LARS1: variants seen among roughly 807,000 people sequenced by gnomAD.
LARS1 encodes leucine--tRNA ligase, cytoplasmic.
In LARS1, 100 loss-of-function variants were observed where a neutral mutation model predicts 162.8. That is an observed-to-expected ratio of 0.61 (90% CI 0.52 to 0.73). The LOEUF (loss-of-function observed/expected upper bound fraction) is 0.73. Ranked by LOEUF, LARS1 falls within the 30% of genes least tolerant of loss-of-function variation. The pLI is 0.00. For missense variants in LARS1, 1,258 were observed against 1,408.9 expected (o/e 0.89, Z 1.71); for synonymous variants, 457 against 462.8 (o/e 0.99, Z 0.16).
intron 30 of LARS1, among the ~76,000 whole-genome samples, chr5:146,120,721 A>G (rs974555503): frequency 1.3e-5 from 2 of 152,190 alleles, no homozygotes; most frequent in Admixed American, 6.5e-5. Context: ...ATCAACACCA[A>G]TGATGGACAC....
chr5:146,115,266 C>T (rs186806051), intron 31 of LARS1, among the ~76,000 whole-genome samples: 1 of 151,910 alleles, frequency 6.6e-6, no homozygotes, highest in African/African-American at 2.4e-5. Context: ...TACAGAATAT[C>T]GAAAAATCTA....
chr5:146,147,594 A>T (rs988473029), intron 15 of LARS1, among the ~76,000 whole-genome samples: 12 of 152,220 alleles, frequency 7.9e-5, no homozygotes, highest in Non-Finnish European at 1.5e-4. Flanking sequence ...ACACACACAC[A>T]AATAGTAAAT....
At chr5:146,139,578 T>C (rs1436686253) in intron 21 of LARS1, 1 of 151,708 alleles carries the variant, frequency 6.6e-6, no homozygotes, top group Non-Finnish European at 1.5e-5. Context: ...ATTTTAAAGA[T>C]AAAAATTAAT....
At chr5:146,116,670 A>G (rs1009954459) in intron 31 of LARS1, among the ~76,000 whole-genome samples, 1 of 152,242 alleles carries the variant, frequency 6.6e-6, no homozygotes, top group African/African-American at 2.4e-5. Flanking sequence ...CTAGGGACTG[A>G]TAACGAGAAA....
intron 14 of LARS1, among the ~76,000 whole-genome samples, chr5:146,151,569 ATCTT>A (rs1753290788): frequency 6.6e-6 from 1 of 152,236 alleles, no homozygotes; most frequent in African/African-American, 2.4e-5. Context: ...CATTCAATAA[ATCTT>A]TGAAGTTTAC....
intron 15 of LARS1, among the ~76,000 whole-genome samples, chr5:146,146,779 T>C (rs1753029907): frequency 6.6e-6 from 1 of 151,220 alleles, no homozygotes; most frequent in African/African-American, 2.4e-5. Flanking sequence ...GGTGGCGCCG[T>C]CTCGACTCAC....
At chr5:146,115,581 CAAAAAAAAAAAAAAA>C (rs58644900) in intron 31 of LARS1, among the ~76,000 whole-genome samples, 3 of 20,614 alleles carry the variant, frequency 1.5e-4, no homozygotes, top group Non-Finnish European at 3.2e-4. Context: ...AGCGCCTGAC[CAAAAAAAAAAAAAAA>C]AAAAAAAAAA....
chr5:146,146,561 A>G (rs1753019043), intron 15 of LARS1, among the ~76,000 whole-genome samples: 1 of 132,274 alleles, frequency 7.6e-6, no homozygotes, highest in African/African-American at 2.9e-5. Context: ...AAAAAGGCTA[A>G]TTCTCTGGAA....
chr5:146,164,614 TTAGTCTGTACTAAAAGTAC>T (rs1173688756), intron 5 of LARS1, 143 bp from the exon 6 acceptor site: 24 of 815,972 alleles, frequency 2.9e-5, no homozygotes, highest in African/African-American at 5.2e-5. Context: ...AGTTGTACTA[TTAGTCTGTACTAAAAGTAC>T]TAGTCTGTAC....
intron 23 of LARS1, chr5:146,132,384 G>C (rs1278183111): frequency 5.3e-5 from 8 of 152,206 alleles, no homozygotes; most frequent in Admixed American, 5.2e-4. Context: ...TTAGAAACTG[G>C]GTGTTTGTCT....
At chr5:146,142,118 C>T (rs1752807776) in intron 20 of LARS1, among the ~76,000 whole-genome samples, 1 of 152,010 alleles carries the variant, frequency 6.6e-6, no homozygotes, top group Admixed American at 6.6e-5. Context: ...TGAGATCACA[C>T]CATTGCATTC....
intron 20 of LARS1, among the ~76,000 whole-genome samples, chr5:146,140,644 A>G (rs2126470567): frequency 6.6e-6 from 1 of 152,306 alleles, no homozygotes; most frequent in South Asian, 2.1e-4. Flanking sequence ...CATCTCTACT[A>G]AAAATACAAA....
chr5:146,149,638 T>C lies in LARS1; in HGVS notation c.1487A>G (p.Lys496Arg). 1 of 1,612,276 alleles carries C rather than the reference T, an allele frequency of 6.2e-7. No homozygotes were observed. Among genetic ancestry groups the C allele is most frequent in the South Asian group, 1.1e-5 (1 of 91,038 alleles). The change falls in exon 15 of 32, where the codon AAA becomes AGA. Residue 496 changes from lysine (K) to arginine (R), a missense_variant. Transcript: ENST00000394434. ...KVQDVKKTIQ[K>R]KMIDAGDALI... Reference sequence around the variant, plus strand: ...ATCACATACAGCGTCAATCATCTTTTTCTGAATAGTCTTCTTTACATCTTG... The same window carrying C: ...ATCACATACAGCGTCAATCATCTTTCTCTGAATAGTCTTCTTTACATCTTG...
At chr5:146,174,021 G>A (rs190616141) in intron 2 of LARS1, among the ~76,000 whole-genome samples, 18 of 151,708 alleles carry the variant, frequency 1.2e-4, no homozygotes, top group Non-Finnish European at 2.5e-4. Context: ...AGCTTTTTCA[G>A]TTCACTTGTA....
rs781332978 is a variant in LARS1, at chr5:146,157,710, T to C, written c.839+18A>G. The C allele has an allele frequency of 3.1e-6, 5 of 1,613,738 alleles. No individual in the cohort carries two copies. ...TGATGGTTCAGAAATGATAAAGCAA[T>C]TACTCTGGCAAACCTACCTTAATTT... On this transcript the variant is annotated intron_variant, in intron 9 of 31. Coordinates refer to ENST00000394434, the MANE Select transcript of LARS1 (RefSeq NM_020117.11).
Position 146,172,001 on chromosome 5 carries a change from A to G in LARS1, c.214-11T>C, listed in dbSNP as rs767054194. 2 of 1,603,662 alleles carry G rather than the reference A, an allele frequency of 1.2e-6. No individual in the cohort carries two copies. The highest frequency in any genetic ancestry group is 1.3e-5 in the African/African-American group (1 of 74,732). ...GTACCCTACAGCAAACTACAGAAAT[A>G]AAATTAAATTTAAATTGCAAATTTA... On this transcript the variant is annotated splice_polypyrimidine_tract_variant and intron_variant, in intron 3 of 31. Coordinates refer to ENST00000394434, the MANE Select transcript of LARS1 (RefSeq NM_020117.11).
chr5:146,113,474 T>C lies in LARS1; in HGVS notation c.*632A>G, dbSNP rs908171301. 1.3e-5 allele frequency: 2 copies of C among 152,424 alleles called. No individual in the cohort carries two copies. The highest frequency in any genetic ancestry group is 4.8e-5 in the African/African-American group (2 of 41,560). 9.4% of individuals were successfully genotyped at this position (152,424 alleles called of 1,614,324 possible). A position where few individuals can be genotyped will look rare whatever the true frequency, so the allele number is the denominator to read the frequency against. On this transcript the variant is annotated 3_prime_UTR_variant, in exon 32 of 32. Coordinates refer to ENST00000394434, the MANE Select transcript of LARS1 (RefSeq NM_020117.11). ...ATGCCCATATTTAGTGTAGGTGAAA[T>C]ATACTGCTTATAAACTATTGATATT... is the stretch of plus-strand genomic sequence containing the variant.
intron 10 of LARS1, among the ~76,000 whole-genome samples, chr5:146,155,737 A>T (rs1003301418): frequency 6.6e-6 from 1 of 152,350 alleles, no homozygotes; most frequent in African/African-American, 2.4e-5. Context: ...AATTTATAAC[A>T]TCCATGTCCC....
intron 22 of LARS1, among the ~76,000 whole-genome samples, chr5:146,135,150 A>C (rs1031914187): frequency 1.3e-5 from 2 of 149,372 alleles, no homozygotes; most frequent in Non-Finnish European, 3.0e-5. Flanking sequence ...GATTACAGGC[A>C]CCTGCCACCA....
Sources: gnomAD v4.1 joint callset for allele counts (sites outside exome capture counted in the v4.1 genomes callset) on GRCh38, gnomAD v4.1.1 for gene constraint, MANE v1.5 for transcripts, NCBI Gene and HGNC (gene_info 2026-07-23, HGNC 2026-07-21) for gene names.